The following RANBP3 variants were observed in gnomAD, a reference collection of about 807,000 sequenced individuals.
RANBP3 encodes RAN binding protein 3, also known as ran-binding protein 3.
A neutral mutation model predicts 77.3 loss-of-function variants in RANBP3; 14 were observed. The ratio of observed to expected loss-of-function variants is 0.18; its 90% confidence interval spans 0.12 to 0.28. RANBP3 has a LOEUF of 0.28. Ranked by LOEUF, RANBP3 falls within the 10% of genes least tolerant of loss-of-function variation. The probability of loss-of-function intolerance (pLI) is 1.00; values close to 1 mark genes in which losing one functional copy is unlikely to be tolerated. For missense variants in RANBP3, 586 were observed against 752.3 expected (o/e 0.78, Z 2.59); for synonymous variants, 315 against 312.4 (o/e 1.01, Z -0.09).
chr19:5,959,725 T>C lies in RANBP3; in HGVS notation c.23-1752A>G, dbSNP rs949486720. 6.6e-6 allele frequency among the ~76,000 whole-genome samples: 1 copy of C among 152,112 alleles called. No individual in the cohort carries two copies. The highest frequency in any genetic ancestry group is 1.5e-5 in the Non-Finnish European group (1 of 68,022). The stretch of plus-strand genomic sequence containing the variant: ...GGGACTCTGGGACAGAGCAGCAGCG[T>C]ATCCACACCATGTGTGCCACCAGGA... On this transcript the variant is annotated intron_variant, in intron 1 of 16. Coordinates refer to ENST00000340578, the MANE Select transcript of RANBP3 (RefSeq NM_007322.3). The surrounding 1 kb of genome is among the most constrained non-coding windows in gnomAD (Gnocchi z 5.1).
intron 1 of RANBP3, among the ~76,000 whole-genome samples, chr19:5,963,267 C>A (rs1294014595): frequency 6.6e-6 from 1 of 152,122 alleles, no homozygotes; most frequent in African/African-American, 2.4e-5. Context: ...GATTAGAAAA[C>A]CAATACGAGG....
At chr19:5,977,112 C>A (rs1189236731) in intron 1 of RANBP3, among the ~76,000 whole-genome samples, 2 of 152,302 alleles carry the variant, frequency 1.3e-5, no homozygotes, top group East Asian at 3.9e-4. Flanking sequence ...TACTGCAATT[C>A]GGTAGGGAAA....
intron 1 of RANBP3, among the ~76,000 whole-genome samples, chr19:5,961,200 T>G (rs1347578189): frequency 6.7e-6 from 1 of 148,792 alleles, no homozygotes; most frequent in Admixed American, 6.6e-5. Context: ...TCCCAGCACT[T>G]TGGGAGGCCG....
intron 5 of RANBP3, among the ~76,000 whole-genome samples, chr19:5,937,441 G>T (rs572718002): frequency 6.6e-6 from 1 of 152,240 alleles, no homozygotes; most frequent in African/African-American, 2.4e-5. Flanking sequence ...AATCCTCAAG[G>T]TCATGAAAGT....
intron 1 of RANBP3, among the ~76,000 whole-genome samples, chr19:5,960,702 G>A (rs559209051): frequency 8.5e-5 from 13 of 152,346 alleles, no homozygotes; most frequent in African/African-American, 3.1e-4. Flanking sequence ...AGAGGAGTGC[G>A]CGCTGGTGTT....
chr19:5,968,349 G>A (rs1201947180), intron 1 of RANBP3, among the ~76,000 whole-genome samples: 1 of 152,184 alleles, frequency 6.6e-6, no homozygotes, highest in Non-Finnish European at 1.5e-5. Context: ...TCCCAGATAA[G>A]ACAATGTACC....
intron 1 of RANBP3, among the ~76,000 whole-genome samples, chr19:5,968,167 A>T (rs1179045552): frequency 6.6e-6 from 1 of 152,234 alleles, no homozygotes; most frequent in Non-Finnish European, 1.5e-5. Flanking sequence ...GGAAAGTTCC[A>T]GTAGAGACAA....
chr19:5,935,509 TA>T (rs373549562), intron 5 of RANBP3, among the ~76,000 whole-genome samples: 120 of 152,382 alleles, frequency 7.9e-4, no homozygotes, highest in African/African-American at 2.7e-3. Context: ...ACAATTTAGA[TA>T]GTTTTTAGCA....
At chr19:5,939,953 T>C (rs1184705649) in intron 5 of RANBP3, among the ~76,000 whole-genome samples, 3 of 152,330 alleles carry the variant, frequency 2.0e-5, no homozygotes, top group South Asian at 2.1e-4. Context: ...GGCTTGTCCA[T>C]GGGGTTCCCC....
chr19:5,923,390 G>C, intron 12 of RANBP3, 87 bp from the exon 13 acceptor site: 9 of 1,376,170 alleles, frequency 6.5e-6, no homozygotes, highest in Non-Finnish European at 9.2e-6. Flanking sequence ...TGAGAGGGTT[G>C]GTTCTGGTCT....
chr19:5,924,974 C>A lies in RANBP3; in HGVS notation c.918-69G>T, dbSNP rs1336152657. ...CGTGGCCAGGCAAATGTATGGGTAC[C>A]CATGGAGCACACACTGACACAGAGG... On this transcript the variant is annotated intron_variant, in intron 10 of 16. Coordinates refer to ENST00000340578, the MANE Select transcript of RANBP3 (RefSeq NM_007322.3). The surrounding 1 kb of genome is among the most constrained non-coding windows in gnomAD (Gnocchi z 4.7). The A allele has an allele frequency of 4.3e-6, 6 of 1,386,928 alleles. No individual in the cohort carries two copies. The highest frequency in any genetic ancestry group is 1.7e-5 in the Admixed American group (1 of 59,694). 85.9% of individuals were successfully genotyped at this position (1,386,928 alleles called of 1,614,324 possible). A position where few individuals can be genotyped will look rare whatever the true frequency, so the allele number is the denominator to read the frequency against.
At chr19:5,928,459 T>TG in intron 8 of RANBP3, 1 of 146,952 alleles carries the variant, frequency 6.8e-6, no homozygotes, top group Non-Finnish European at 1.5e-5. Context: ...ACAGCACAGC[T>TG]ATTACCACCG....
chr19:5,968,198 C>T (rs542874841), intron 1 of RANBP3, among the ~76,000 whole-genome samples: 42 of 152,136 alleles, frequency 2.8e-4, no homozygotes, highest in Non-Finnish European at 5.4e-4. Flanking sequence ...CTCCTCTCTA[C>T]ACGGAAGCTT....
chr19:5,932,869 T>G, intron 6 of RANBP3: 1 of 376,476 alleles, frequency 2.7e-6, no homozygotes, highest in Non-Finnish European at 4.9e-6. Flanking sequence ...GGCAGCTACC[T>G]GGAGGCTCAG....
In RANBP3 at chr19:5,959,516, T is replaced by C. The variant is rs530122727; in HGVS notation, c.23-1543A>G. Among the ~76,000 whole-genome samples, 2 of 151,910 alleles carry C rather than the reference T, an allele frequency of 1.3e-5. No homozygotes were observed. Among genetic ancestry groups the C allele is most frequent in the Admixed American group, 6.6e-5 (1 of 15,262 alleles). ...CACCGTGTACAGCCAAGGCAAACAC[T>C]GGAGTGAGTGGCGTGCGCGAGACCC... is the stretch of plus-strand genomic sequence containing the variant. On this transcript the variant is annotated intron_variant, in intron 1 of 16. Transcript: ENST00000340578. The surrounding 1 kb of genome is among the most constrained non-coding windows in gnomAD (Gnocchi z 5.1).
At chr19:5,965,385 T>G (rs1208809128) in intron 1 of RANBP3, among the ~76,000 whole-genome samples, 19 of 152,152 alleles carry the variant, frequency 1.2e-4, no homozygotes, top group Admixed American at 1.2e-3. Flanking sequence ...AATAGCAGGC[T>G]TCCTGGTAGC....
Position 5,917,873 on chromosome 19 carries a change from C to T in RANBP3, c.1581G>A (p.Glu527=). 6.2e-7 allele frequency: 1 copy of T among 1,612,834 alleles called. No homozygotes were observed. The highest frequency in any genetic ancestry group is 1.1e-5 in the South Asian group (1 of 91,078). ...QEQEAKMPAP[E]PGAAPSNEED... ...CCTCGTTGGATGGGGCTGCCCCAGG[C>T]TCAGGCGCGGGCATCTTGGCCTCCT... The change falls in exon 16 of 17, where the codon GAG becomes GAA. Residue 527 remains glutamate (E), a synonymous_variant. Transcript: ENST00000340578.
chr19:5,946,723 AC>A lies in RANBP3; in HGVS notation c.282+4669del, dbSNP rs372201569. Among the ~76,000 whole-genome samples, 354 of 152,254 alleles carry A rather than the reference AC, an allele frequency of 2.3e-3. 1 individual carries two copies. The highest frequency in any genetic ancestry group is 7.7e-3 in the African/African-American group (318 of 41,542). On this transcript the variant is annotated intron_variant, in intron 3 of 16. Coordinates refer to ENST00000340578, the MANE Select transcript of RANBP3 (RefSeq NM_007322.3). ...GATGGAGGGCCTCTCCTCTCAGGAG[AC>A]GTTGGAACTTGCTGTCCAGCTGGCT...
chr19:5,919,561 T>G (rs2057790328), intron 14 of RANBP3, among the ~76,000 whole-genome samples: 1 of 152,122 alleles, frequency 6.6e-6, no homozygotes, highest in Non-Finnish European at 1.5e-5. Flanking sequence ...TCTCTTTCCA[T>G]GGACATTTGA....
Sources: allele counts gnomAD v4.1 joint callset (sites outside exome capture counted in the v4.1 genomes callset), GRCh38; gene constraint gnomAD v4.1.1; non-coding constraint Gnocchi (gnomAD v3.1); transcripts MANE v1.5; gene names NCBI Gene and HGNC (gene_info 2026-07-23, HGNC 2026-07-21).